Variants in TMEM242 observed in about 807,000 individuals in gnomAD.
The protein encoded by TMEM242 is transmembrane protein 242.
A neutral mutation model predicts 18.2 loss-of-function variants in TMEM242; 10 were observed. That is an observed-to-expected ratio of 0.55 (90% CI 0.34 to 0.93). The LOEUF (loss-of-function observed/expected upper bound fraction) is 0.93, where lower values mean the gene tolerates loss of function less well. TMEM242 is among the 40% of genes least tolerant of loss of function. TMEM242 has a pLI of 0.02. For missense variants in TMEM242, 186 were observed against 175.5 expected, an observed-to-expected ratio of 1.06 and a Z score of -0.34; for synonymous variants, 57 against 69.9, an observed-to-expected ratio of 0.81 and a Z score of 0.92.
intron 3 of TMEM242, among the ~76,000 whole-genome samples, chr6:157,303,979 C>T (rs1456805157): frequency 6.6e-6 from 1 of 152,226 alleles, no homozygotes; most frequent in East Asian, 1.9e-4. Context: ...ATGCTGGGAT[C>T]AACTTCCTGT....
At chr6:157,315,887 T>C (rs1554250293) in intron 3 of TMEM242, among the ~76,000 whole-genome samples, 1 of 152,228 alleles carries the variant, frequency 6.6e-6, no homozygotes, top group Non-Finnish European at 1.5e-5. Context: ...AATAGAAATG[T>C]ATGTTTGTAT....
At chr6:157,322,673 C>A in intron 2 of TMEM242, 32 bp downstream of exon 2, 2 of 1,573,736 alleles carry the variant, frequency 1.3e-6, no homozygotes, top group Non-Finnish European at 1.7e-6. Context: ...TAAACAATAA[C>A]AATGCTATGA....
intron 3 of TMEM242, among the ~76,000 whole-genome samples, chr6:157,303,700 A>AT (rs1303817780): frequency 4.6e-5 from 7 of 152,236 alleles, no homozygotes; most frequent in African/African-American, 1.7e-4. Flanking sequence ...GAAATAGGCC[A>AT]TAAACTCACC....
chr6:157,316,705 T>C (rs1377508166), intron 3 of TMEM242, among the ~76,000 whole-genome samples: 1 of 151,644 alleles, frequency 6.6e-6, no homozygotes, highest in Non-Finnish European at 1.5e-5. Flanking sequence ...TGAGACCTCA[T>C]CTCTACAAAA....
chr6:157,319,948 A>G (rs1360501538), intron 2 of TMEM242, among the ~76,000 whole-genome samples: 1 of 152,236 alleles, frequency 6.6e-6, no homozygotes, highest in Non-Finnish European at 1.5e-5. Flanking sequence ...GGAGAGTTCA[A>G]TGAGTCAAGC....
At chr6:157,313,963 G>A (rs1157956090) in intron 3 of TMEM242, among the ~76,000 whole-genome samples, 46 of 3,826 alleles carry the variant, frequency 0.012, no homozygotes, top group Middle Eastern at 0.5. Context: ...CCCAGTGTCC[G>A]CTCACCTGGC....
chr6:157,318,847 G>C lies in TMEM242; in HGVS notation c.262C>G (p.Leu88Val). The change falls in exon 3 of 4, where the codon CTG becomes GTG. Residue 88 changes from leucine to valine, a missense_variant. Transcript: ENST00000400788. ...LALRALGWGS[L>V]YAWCGVGVIS... is the part of the protein sequence containing the mutation. ...ACACCAACCCCACACCATGCATACAGGGAGCCCCAGCCCAGAGCTCGCAAG... is the reference window on the plus strand; with the variant it reads ...ACACCAACCCCACACCATGCATACACGGAGCCCCAGCCCAGAGCTCGCAAG... The C allele has an allele frequency of 6.2e-7, 1 of 1,613,910 alleles. No homozygotes were observed. The highest frequency in any genetic ancestry group is 8.5e-7 in the Non-Finnish European group (1 of 1,179,982).
intron 3 of TMEM242, among the ~76,000 whole-genome samples, chr6:157,296,402 A>G (rs983073010): frequency 5.9e-5 from 9 of 152,162 alleles, no homozygotes; most frequent in African/African-American, 2.2e-4. Context: ...AAACTAAGAC[A>G]TGAGTGGAGT....
chr6:157,316,289 T>G (rs1209803015), intron 3 of TMEM242, among the ~76,000 whole-genome samples: 2 of 152,228 alleles, frequency 1.3e-5, no homozygotes, highest in Admixed American at 6.5e-5. Flanking sequence ...GCCAATCACA[T>G]GTTATGTCAT....
rs1022266241 is a variant in TMEM242, at chr6:157,289,874, C to T, written c.*3027G>A. 1 of 152,238 alleles carries T rather than the reference C, an allele frequency of 6.6e-6. No individual in the cohort carries two copies. The highest frequency in any genetic ancestry group is 1.5e-5 in the Non-Finnish European group (1 of 68,050). The allele number at this position is 152,238 out of a possible 1,614,324, so 9.4% of individuals were successfully genotyped here. Reference sequence around the variant, plus strand: ...GCCAGCCTGGGCCCATGCCCTGACGCGAGGGTGGTGGTGGAGATGGCCCAC... The same window carrying T: ...GCCAGCCTGGGCCCATGCCCTGACGTGAGGGTGGTGGTGGAGATGGCCCAC... On this transcript the variant is annotated 3_prime_UTR_variant, in exon 4 of 4. Transcript: ENST00000400788.
At chr6:157,300,407 G>C (rs868910774) in intron 3 of TMEM242, among the ~76,000 whole-genome samples, 5 of 152,248 alleles carry the variant, frequency 3.3e-5, no homozygotes, top group African/African-American at 1.2e-4. Flanking sequence ...ACATGCTTAA[G>C]AGGTTAACCC....
intron 3 of TMEM242, among the ~76,000 whole-genome samples, chr6:157,314,073 CTCA>C (rs1778325269): frequency 5.2e-5 from 3 of 57,260 alleles, no homozygotes; most frequent in Admixed American, 1.7e-4. Flanking sequence ...CTCACCCGGC[CTCA>C]TCATAGAGCC....
intron 3 of TMEM242, among the ~76,000 whole-genome samples, chr6:157,313,363 CTCA>C: frequency 1.4e-5 from 2 of 140,982 alleles, no homozygotes; most frequent in East Asian, 4.3e-4. Flanking sequence ...CTCACCTGGC[CTCA>C]TCATAGTGCC....
At chr6:157,306,730 T>C (rs1777922806) in intron 3 of TMEM242, among the ~76,000 whole-genome samples, 1 of 152,090 alleles carries the variant, frequency 6.6e-6, no homozygotes, top group Non-Finnish European at 1.5e-5. Flanking sequence ...CACAAGTAAG[T>C]GGGACAGTCG....
chr6:157,314,736 T>C (rs1778356365), intron 3 of TMEM242, among the ~76,000 whole-genome samples: 2 of 152,264 alleles, frequency 1.3e-5, no homozygotes, highest in Non-Finnish European at 2.9e-5. Flanking sequence ...TTTAATGTTA[T>C]TATATGCATT....
At chr6:157,304,721 CAAAGA>C (rs1221992365) in intron 3 of TMEM242, among the ~76,000 whole-genome samples, 2 of 151,950 alleles carry the variant, frequency 1.3e-5, no homozygotes, top group Non-Finnish European at 2.9e-5. Context: ...ATAGGCGTTA[CAAAGA>C]AAAGAAAATA....
At chr6:157,310,904 T>C (rs1554248493) in intron 3 of TMEM242, among the ~76,000 whole-genome samples, 1 of 151,756 alleles carries the variant, frequency 6.6e-6, no homozygotes, top group African/African-American at 2.4e-5. Context: ...AGCCTCATCA[T>C]AGTGCCCCAG....
intron 3 of TMEM242, among the ~76,000 whole-genome samples, chr6:157,314,956 G>A (rs1554250197): frequency 6.6e-6 from 1 of 152,094 alleles, no homozygotes; most frequent in East Asian, 1.9e-4. Flanking sequence ...ATTGGAACTG[G>A]GTTTCTATCA....
intron 3 of TMEM242, among the ~76,000 whole-genome samples, chr6:157,315,942 GAAT>G (rs1778381420): frequency 6.6e-6 from 1 of 152,140 alleles, no homozygotes; most frequent in Admixed American, 6.5e-5. Context: ...TAATAATTAT[GAAT>G]AAAAAATTGG....
Sources: allele counts gnomAD v4.1 joint callset (sites outside exome capture counted in the v4.1 genomes callset), GRCh38; gene constraint gnomAD v4.1.1; transcripts MANE v1.5; gene names NCBI Gene and HGNC (gene_info 2026-07-23, HGNC 2026-07-21).